Variants in DIAPH2 observed in about 807,000 individuals in gnomAD.
The protein encoded by DIAPH2 is diaphanous related formin 2.
DIAPH2 carries 35 observed loss-of-function variants against 92.7 expected under a neutral mutation model. The observed-to-expected ratio is 0.38, with a 90% CI of 0.29 to 0.50. DIAPH2 has a LOEUF of 0.50. DIAPH2 is among the 20% of genes least tolerant of loss of function. DIAPH2 has a pLI of 0.94. For synonymous variants in DIAPH2, 301 were observed against 280.4 expected (o/e 1.07, Z -0.73); for missense variants, 701 against 819.5 (o/e 0.86, Z 1.77).
intron 25 of DIAPH2, among the ~76,000 whole-genome samples, chrX:97,402,810 A>C (rs1235360368): frequency 8.9e-6 from 1 of 112,299 alleles, no homozygotes; most frequent in Non-Finnish European, 1.9e-5. Flanking sequence ...ATACAAAAGT[A>C]AAATCGCATT....
intron 25 of DIAPH2, among the ~76,000 whole-genome samples, chrX:97,388,640 GT>G (rs2069624105): frequency 9.0e-6 from 1 of 111,404 alleles, no homozygotes; most frequent in East Asian, 2.8e-4. Flanking sequence ...TAAATCAGAG[GT>G]TCTGAAACTA....
At chrX:97,141,537 C>A (rs1195184791) in intron 21 of DIAPH2, 128 bp from the exon 22 acceptor site, 7 of 658,467 alleles carry the variant, frequency 1.1e-5, no homozygotes, top group Non-Finnish European at 1.3e-5. Flanking sequence ...GCTACTAGAC[C>A]ACATTAAGAA....
chrX:97,059,601 C>T (rs925954845), intron 17 of DIAPH2, among the ~76,000 whole-genome samples: 2 of 112,073 alleles, frequency 1.8e-5, no homozygotes, highest in South Asian at 3.7e-4. Flanking sequence ...TGGATTAACA[C>T]GTTTTTGTAC....
intron 3 of DIAPH2, among the ~76,000 whole-genome samples, chrX:96,756,911 CTTTTTTTTTTT>C (rs1172916942): frequency 3.4e-5 from 2 of 58,787 alleles, no homozygotes; most frequent in Non-Finnish European, 6.0e-5. Context: ...ATTTATATAT[CTTTTTTTTTTT>C]TTTTTTTTTT....
intron 4 of DIAPH2, among the ~76,000 whole-genome samples, chrX:96,776,758 A>G (rs908936374): frequency 9.0e-6 from 1 of 110,711 alleles, no homozygotes; most frequent in African/African-American, 3.3e-5. Context: ...TCCTTAAAAG[A>G]TATGATGTAA....
chrX:97,015,852 T>G (rs1300306602), intron 17 of DIAPH2, among the ~76,000 whole-genome samples: 2 of 108,227 alleles, frequency 1.8e-5, no homozygotes, highest in Admixed American at 9.9e-5. Flanking sequence ...AAGACAAAAT[T>G]AATAGCTGTA....
intron 4 of DIAPH2, among the ~76,000 whole-genome samples, chrX:96,841,213 G>A (rs961044341): frequency 2.7e-5 from 3 of 111,384 alleles, no homozygotes; most frequent in Admixed American, 9.6e-5. Context: ...TATTCTAAAC[G>A]TTTATAGAGT....
chrX:96,843,996 C>T (rs745701795), intron 4 of DIAPH2, among the ~76,000 whole-genome samples: 1 of 112,299 alleles, frequency 8.9e-6, no homozygotes, highest in African/African-American at 3.2e-5. Context: ...ATGAAATCCT[C>T]ACCCTATGTG....
chrX:97,253,031 G>A (rs943404064), intron 23 of DIAPH2, among the ~76,000 whole-genome samples: 2 of 111,535 alleles, frequency 1.8e-5, no homozygotes, highest in Admixed American at 1.9e-4. Flanking sequence ...GCTCACACTT[G>A]TAATCTCAGC....
intron 5 of DIAPH2, among the ~76,000 whole-genome samples, chrX:96,895,399 G>T (rs2065338548): frequency 8.9e-6 from 1 of 111,958 alleles, no homozygotes; most frequent in African/African-American, 3.2e-5. Context: ...GCACTGTGGA[G>T]ATTACAAGCA....
At chrX:96,873,254 T>G (rs1427750670) in intron 4 of DIAPH2, among the ~76,000 whole-genome samples, 1 of 111,755 alleles carries the variant, frequency 8.9e-6, no homozygotes, top group Non-Finnish European at 1.9e-5. Flanking sequence ...CTGAGATCTT[T>G]TGTCCATTTA....
chrX:97,447,362 C>G (rs2070320899), intron 26 of DIAPH2, among the ~76,000 whole-genome samples: 1 of 110,531 alleles, frequency 9.0e-6, no homozygotes, highest in Non-Finnish European at 1.9e-5. Flanking sequence ...CAGGGAAGTT[C>G]CAGCTTTAAG....
At chrX:97,148,998 AGGACCTAAT>A (rs2067266050) in intron 22 of DIAPH2, among the ~76,000 whole-genome samples, 1 of 111,887 alleles carries the variant, frequency 8.9e-6, no homozygotes, top group African/African-American at 3.3e-5. Flanking sequence ...ACCAAGTCAT[AGGACCTAAT>A]GGGAGTGACT....
chrX:97,366,983 G>A (rs545232002), intron 24 of DIAPH2, among the ~76,000 whole-genome samples: 34 of 111,863 alleles, frequency 3.0e-4, no homozygotes, highest in Middle Eastern at 4.6e-3. Context: ...TACATTGAAA[G>A]AAGTCAAGTC....
chrX:97,279,575 CT>C (rs1019086809), intron 23 of DIAPH2, among the ~76,000 whole-genome samples: 21 of 104,663 alleles, frequency 2.0e-4, no homozygotes, highest in East Asian at 2.9e-4. Flanking sequence ...AAACATGAAT[CT>C]TTTTTTTTTT....
At chrX:97,157,334 TATAATAATAATA>T (rs61008919) in intron 22 of DIAPH2, among the ~76,000 whole-genome samples, 4 of 103,682 alleles carry the variant, frequency 3.9e-5, no homozygotes, top group African/African-American at 1.1e-4. Flanking sequence ...ATAATAATAA[TATAATAATAATA>T]ATAATAATGA....
intron 5 of DIAPH2, among the ~76,000 whole-genome samples, chrX:96,911,974 G>A (rs762825813): frequency 7.1e-5 from 8 of 111,899 alleles, no homozygotes; most frequent in African/African-American, 1.3e-4. Context: ...TAAAAGGGTA[G>A]TGATGTTATT....
At chrX:97,214,836 TAAA>T (rs368311868) in intron 22 of DIAPH2, among the ~76,000 whole-genome samples, 1,181 of 62,767 alleles carry the variant, frequency 0.019, 27 homozygotes, top group African/African-American at 0.061. Flanking sequence ...CGTCTCAAAT[TAAA>T]AAAAAAAAAA....
intron 23 of DIAPH2, among the ~76,000 whole-genome samples, chrX:97,321,324 T>A (rs920539797): frequency 6.3e-5 from 7 of 110,678 alleles, no homozygotes; most frequent in Non-Finnish European, 1.1e-4. Context: ...TAGCATATGA[T>A]ATAGGCATTA....
Sources: gnomAD v4.1 joint callset for allele counts (sites outside exome capture counted in the v4.1 genomes callset) on GRCh38, gnomAD v4.1.1 for gene constraint, MANE v1.5 for transcripts, NCBI Gene and HGNC (gene_info 2026-07-23, HGNC 2026-07-21) for gene names.